The following KANK1 variants were observed in gnomAD, a reference collection of about 807,000 sequenced individuals.
KANK1 encodes the protein KN motif and ankyrin repeat domains 1.
In KANK1, 109 loss-of-function variants were observed where a neutral mutation model predicts 106.2. The ratio of observed to expected loss-of-function variants is 1.03; its 90% CI spans 0.88 to 1.20. The LOEUF is 1.20. KANK1 is among the 50% of genes most tolerant of loss of function. KANK1 has a pLI of 0.00. For missense variants in KANK1, 2,399 were observed against 1,710.7 expected (o/e 1.40, Z -7.10); for synonymous variants, 873 against 652.2 (o/e 1.34, Z -5.16).
chr9:476,173 A>C (rs898430674), intron 3 of KANK1, among the ~76,000 whole-genome samples: 2 of 151,616 alleles, frequency 1.3e-5, no homozygotes, highest in African/African-American at 2.4e-5. Context: ...TAGAAAACTA[A>C]ACTACAAGGT....
chr9:690,632 G>C (rs1477345742), intron 2 of KANK1, among the ~76,000 whole-genome samples: 1 of 152,158 alleles, frequency 6.6e-6, no homozygotes, highest in African/African-American at 2.4e-5. Flanking sequence ...TCAGGAAATA[G>C]GCATCTTGAC....
chr9:731,555 G>T (rs946381976), intron 5 of KANK1: 1 of 211,870 alleles, frequency 4.7e-6, no homozygotes, highest in Non-Finnish European at 9.4e-6. Flanking sequence ...TTCCTGCACT[G>T]TGTTGGACAA....
chr9:679,338 A>G, intron 2 of KANK1, among the ~76,000 whole-genome samples: 1 of 152,198 alleles, frequency 6.6e-6, no homozygotes, highest in East Asian at 1.9e-4. Flanking sequence ...ATGTATATAC[A>G]CACATAGTAA....
At chr9:660,249 C>T (rs1356320224) in intron 1 of KANK1, 1 of 247,282 alleles carries the variant, frequency 4.0e-6, no homozygotes, top group Non-Finnish European at 8.9e-6. Context: ...ACAGGGTGAC[C>T]AGCACAAGAA....
chr9:595,473 C>T (rs1825984612), intron 1 of KANK1, among the ~76,000 whole-genome samples: 1 of 151,854 alleles, frequency 6.6e-6, no homozygotes, highest in African/African-American at 2.4e-5. Context: ...AATGAGCCTG[C>T]TGCGATATAG....
chr9:723,291 G>T (rs1222493824), intron 3 of KANK1, among the ~76,000 whole-genome samples: 1 of 152,158 alleles, frequency 6.6e-6, no homozygotes, highest in African/African-American at 2.4e-5. Context: ...GTTTACAAAA[G>T]TAAGCTGTGG....
At chr9:529,557 A>G (rs2059966881) in intron 1 of KANK1, among the ~76,000 whole-genome samples, 1 of 152,194 alleles carries the variant, frequency 6.6e-6, no homozygotes, top group East Asian at 1.9e-4. Flanking sequence ...GTGAAATCAC[A>G]GATGATAATA....
chr9:740,672 C>T (rs1835191330), intron 8 of KANK1, 120 bp from the exon 9 acceptor site: 2 of 1,141,190 alleles, frequency 1.8e-6, no homozygotes, highest in Non-Finnish European at 2.5e-6. Flanking sequence ...CTCTTGGTCT[C>T]CAGCCACCTG....
intron 3 of KANK1, among the ~76,000 whole-genome samples, chr9:477,287 C>T (rs191600917): frequency 7.5e-4 from 108 of 144,534 alleles, no homozygotes; most frequent in Non-Finnish European, 1.1e-3. Context: ...GAGATTGTTA[C>T]AGCAGGAATG....
At chr9:578,499 G>C (rs189692806) in intron 1 of KANK1, among the ~76,000 whole-genome samples, 171 of 152,014 alleles carry the variant, frequency 1.1e-3, no homozygotes, top group African/African-American at 4.0e-3. Context: ...AGGGGGTGCA[G>C]TCCTCTATAC....
chr9:591,905 C>T (rs1824987525), intron 1 of KANK1, among the ~76,000 whole-genome samples: 5 of 151,652 alleles, frequency 3.3e-5, no homozygotes, highest in Admixed American at 2.0e-4. Context: ...GTGATCCACC[C>T]ACCTCAGCCT....
At chr9:598,008 C>T (rs1196079665) in intron 1 of KANK1, among the ~76,000 whole-genome samples, 2 of 151,688 alleles carry the variant, frequency 1.3e-5, no homozygotes, top group Non-Finnish European at 2.9e-5. Context: ...ATTTTTTATA[C>T]TTAGGTTGTT....
chr9:704,806 A>T (rs1436443656), intron 2 of KANK1, among the ~76,000 whole-genome samples: 1 of 151,776 alleles, frequency 6.6e-6, no homozygotes, highest in Middle Eastern at 3.2e-3. Flanking sequence ...AATAGCAAGA[A>T]CTCATCTCTA....
chr9:487,111 A>T (rs894141930), intron 3 of KANK1, among the ~76,000 whole-genome samples: 3 of 152,208 alleles, frequency 2.0e-5, no homozygotes, highest in African/African-American at 7.2e-5. Context: ...GGATATATAC[A>T]AGATGGTTGA....
At chr9:741,272 G>A (rs564326348) in intron 9 of KANK1, among the ~76,000 whole-genome samples, 1 of 151,826 alleles carries the variant, frequency 6.6e-6, no homozygotes, top group South Asian at 2.1e-4. Context: ...TCTCTGTGTT[G>A]TACTGTCTTC....
In KANK1 at chr9:610,838, T is replaced by G. The variant is rs978811363; in HGVS notation, c.-83-66052T>G. 9.9e-5 allele frequency among the ~76,000 whole-genome samples: 15 copies of G among 152,138 alleles called. No homozygotes were observed. The East Asian group carries it at 2.7e-3, about 27-fold the overall frequency. On this transcript the variant is annotated intron_variant, in intron 1 of 11. Coordinates refer to ENST00000382297, the MANE Select transcript of KANK1 (RefSeq NM_015158.5). ...GACCCAGAGGCAGAGATCATGTTTG[T>G]GGTTATTTTTCTGGGAACTGAGACT...
At chr9:672,820 G>T (rs886165509) in intron 1 of KANK1, among the ~76,000 whole-genome samples, 1 of 152,126 alleles carries the variant, frequency 6.6e-6, no homozygotes, top group African/African-American at 2.4e-5. Context: ...TCAGTCTCCC[G>T]AAATAAATAG....
At chr9:640,286 G>T (rs1241345349) in intron 1 of KANK1, among the ~76,000 whole-genome samples, 2 of 151,988 alleles carry the variant, frequency 1.3e-5, no homozygotes, top group Non-Finnish European at 1.5e-5. Flanking sequence ...CTGTCGCCTG[G>T]GCTGGAGTGT....
intron 5 of KANK1, 181 bp from the exon 6 acceptor site, chr9:732,193 TTAAG>T: frequency 1.6e-6 from 1 of 606,316 alleles, no homozygotes; most frequent in South Asian, 2.2e-5. Context: ...GATAACCAGT[TTAAG>T]TTAGAGTCCA....
Sources: gnomAD v4.1 joint callset for allele counts (sites outside exome capture counted in the v4.1 genomes callset) on GRCh38, gnomAD v4.1.1 for gene constraint, MANE v1.5 for transcripts, NCBI Gene and HGNC (gene_info 2026-07-23, HGNC 2026-07-21) for gene names.